Variants in CACNA2D3 observed in about 807,000 individuals in gnomAD.
The protein encoded by CACNA2D3 is voltage-dependent calcium channel subunit alpha-2/delta-3.
CACNA2D3 carries 60 observed loss-of-function variants against 160.6 expected under a neutral mutation model. The ratio of observed to expected loss-of-function variants is 0.37; its 90% CI spans 0.30 to 0.46. The LOEUF (loss-of-function observed/expected upper bound fraction) is 0.46, where lower values mean the gene tolerates loss of function less well. Ranked by LOEUF, CACNA2D3 falls within the 20% of genes least tolerant of loss-of-function variation. CACNA2D3 has a pLI of 1.00. For synonymous variants in CACNA2D3, 558 were observed against 492.9 expected, an observed-to-expected ratio of 1.13 and a Z score of -1.75; for missense variants, 1,205 against 1,365.0, an observed-to-expected ratio of 0.88 and a Z score of 1.85.
intron 2 of CACNA2D3, among the ~76,000 whole-genome samples, chr3:54,172,384 C>A (rs962228394): frequency 1.3e-5 from 2 of 152,188 alleles, no homozygotes; most frequent in Non-Finnish European, 2.9e-5. Flanking sequence ...TGGGTTTCCC[C>A]CCTCTCTGGA....
intron 4 of CACNA2D3, among the ~76,000 whole-genome samples, chr3:54,462,348 C>T (rs1226465265): frequency 1.3e-5 from 2 of 152,122 alleles, no homozygotes; most frequent in East Asian, 3.9e-4. Context: ...CTTTGTCTCG[C>T]TGATCTGTCT....
chr3:54,808,521 T>G (rs1451930256), intron 13 of CACNA2D3, among the ~76,000 whole-genome samples: 1 of 152,062 alleles, frequency 6.6e-6, no homozygotes, highest in Non-Finnish European at 1.5e-5. Flanking sequence ...CTAGATTAGG[T>G]CACACGTCTA....
At chr3:54,989,680 A>T (rs1192251847) in intron 31 of CACNA2D3, among the ~76,000 whole-genome samples, 3 of 152,220 alleles carry the variant, frequency 2.0e-5, no homozygotes, top group Non-Finnish European at 4.4e-5. Flanking sequence ...TAGTGAGATC[A>T]TAGTAAGCAT....
At chr3:54,857,752 A>G (rs1397013162) in intron 17 of CACNA2D3, among the ~76,000 whole-genome samples, 1 of 152,146 alleles carries the variant, frequency 6.6e-6, no homozygotes. Flanking sequence ...TTTGCTGTAG[A>G]CTAGAGCTTC....
intron 13 of CACNA2D3, among the ~76,000 whole-genome samples, chr3:54,815,595 C>A (rs533186017): frequency 6.6e-6 from 1 of 152,332 alleles, no homozygotes; most frequent in Admixed American, 6.5e-5. Context: ...TCTACTGTCA[C>A]AATTCCCAAG....
intron 26 of CACNA2D3, among the ~76,000 whole-genome samples, chr3:54,898,162 C>CTTTCTTTTCTTTTCT (rs10530912): frequency 4.2e-5 from 5 of 119,028 alleles, no homozygotes; most frequent in African/African-American, 1.7e-4. Context: ...CTTTCTTTAT[C>CTTTCTTTTCTTTTCT]TTTCTTTTCT....
chr3:55,042,573 T>C (rs542090156), intron 35 of CACNA2D3, among the ~76,000 whole-genome samples: 224 of 152,300 alleles, frequency 1.5e-3, no homozygotes, highest in African/African-American at 5.2e-3. Flanking sequence ...GCATATGTTT[T>C]GGTCTTTCTT....
At chr3:54,640,540 A>G (rs1699494441) in intron 10 of CACNA2D3, among the ~76,000 whole-genome samples, 1 of 152,176 alleles carries the variant, frequency 6.6e-6, no homozygotes, top group Non-Finnish European at 1.5e-5. Context: ...CCACTCACAA[A>G]GGCTGAGAGC....
At chr3:54,131,631 G>C (rs1699709874) in intron 2 of CACNA2D3, among the ~76,000 whole-genome samples, 1 of 152,188 alleles carries the variant, frequency 6.6e-6, no homozygotes. Context: ...GAACAAGAGA[G>C]ACTTGGAATT....
intron 11 of CACNA2D3, among the ~76,000 whole-genome samples, chr3:54,655,839 T>C (rs1699867048): frequency 6.6e-6 from 1 of 152,210 alleles, no homozygotes; most frequent in African/African-American, 2.4e-5. Context: ...ACTTTTATAT[T>C]ATTTGTCCAT....
At chr3:54,963,321 A>T (rs116204254) in intron 27 of CACNA2D3, among the ~76,000 whole-genome samples, 4 of 152,020 alleles carry the variant, frequency 2.6e-5, no homozygotes, top group Admixed American at 6.6e-5. Context: ...TCCATCCTTA[A>T]GGAGTGCTAG....
At chr3:54,493,579 C>T (rs1701151252) in intron 4 of CACNA2D3, among the ~76,000 whole-genome samples, 1 of 152,188 alleles carries the variant, frequency 6.6e-6, no homozygotes, top group South Asian at 2.1e-4. Context: ...TTACCAGCTC[C>T]TATGCCTTTA....
chr3:54,589,636 A>T (rs554237060), intron 9 of CACNA2D3, among the ~76,000 whole-genome samples: 1 of 152,190 alleles, frequency 6.6e-6, no homozygotes, highest in African/African-American at 2.4e-5. Flanking sequence ...TTGAGAGAAG[A>T]TATTTGCAAA....
intron 13 of CACNA2D3, among the ~76,000 whole-genome samples, chr3:54,816,250 C>G (rs1422211407): frequency 6.6e-6 from 1 of 152,160 alleles, no homozygotes; most frequent in Admixed American, 6.5e-5. Context: ...GAAAAATTGA[C>G]TTTAAAAACA....
At chr3:54,582,702 G>A (rs1250354873) in intron 9 of CACNA2D3, among the ~76,000 whole-genome samples, 1 of 152,172 alleles carries the variant, frequency 6.6e-6, no homozygotes, top group Admixed American at 6.5e-5. Flanking sequence ...CCTGCATGAG[G>A]TAGCTGGGGG....
At chr3:54,207,604 A>G (rs1418576323) in intron 2 of CACNA2D3, among the ~76,000 whole-genome samples, 2 of 152,190 alleles carry the variant, frequency 1.3e-5, no homozygotes, top group Admixed American at 6.5e-5. Context: ...TCCAGGTAGC[A>G]GTCTTCCAAG....
chr3:54,445,429 G>A (rs1358498911), intron 4 of CACNA2D3, among the ~76,000 whole-genome samples: 1 of 152,110 alleles, frequency 6.6e-6, no homozygotes, highest in Non-Finnish European at 1.5e-5. Context: ...AACCATTTCT[G>A]AGCTGTATTA....
intron 5 of CACNA2D3, among the ~76,000 whole-genome samples, chr3:54,518,423 A>G (rs921879920): frequency 2.0e-5 from 3 of 152,162 alleles, no homozygotes; most frequent in Non-Finnish European, 2.9e-5. Flanking sequence ...GGTTCCCCCC[A>G]GTGTCTGAGA....
chr3:54,960,727 C>T (rs1038102753), intron 27 of CACNA2D3, among the ~76,000 whole-genome samples: 6 of 152,218 alleles, frequency 3.9e-5, no homozygotes, highest in African/African-American at 1.4e-4. Flanking sequence ...ATACTCTGTT[C>T]TCAGTTTTGC....
Sources: allele counts gnomAD v4.1 joint callset (sites outside exome capture counted in the v4.1 genomes callset), GRCh38; gene constraint gnomAD v4.1.1; transcripts MANE v1.5; gene names NCBI Gene and HGNC (gene_info 2026-07-23, HGNC 2026-07-21).